The following GPAT3 variants were observed in gnomAD, a reference collection of about 807,000 sequenced individuals.
GPAT3 encodes the protein 1-AGP acyltransferase 9.
GPAT3 carries 53 observed loss-of-function variants against 58.8 expected under a neutral mutation model. The ratio of observed to expected loss-of-function variants is 0.90; its 90% confidence interval spans 0.72 to 1.13. GPAT3 has a LOEUF of 1.13. Ranked by LOEUF, GPAT3 falls within the 50% of genes most tolerant of loss-of-function variation. The probability of loss-of-function intolerance (pLI) is 0.00; values close to 1 mark genes in which losing one functional copy is unlikely to be tolerated. For missense variants in GPAT3, 511 were observed against 527.6 expected (o/e 0.97, Z 0.31); for synonymous variants, 197 against 187.4 (o/e 1.05, Z -0.42).
intron 1 of GPAT3, among the ~76,000 whole-genome samples, chr4:83,540,936 C>T (rs894343812): frequency 6.6e-6 from 1 of 152,000 alleles, no homozygotes; most frequent in East Asian, 1.9e-4. Context: ...GCGATCTGCC[C>T]GCCTTGGCTT....
rs764627532 is a variant in GPAT3, at chr4:83,571,723, CAT to C, written c.209-9827_209-9826del. On this transcript the variant is annotated intron_variant, in intron 2 of 11. Coordinates refer to ENST00000264409, the MANE Select transcript of GPAT3 (RefSeq NM_032717.5). The stretch of plus-strand genomic sequence containing the variant: ...ACACACACACATATATATACACACA[CAT>C]ATATATATATACACGCATATATATA... Among the ~76,000 whole-genome samples, 293 of 100,864 alleles carry C rather than the reference CAT, an allele frequency of 2.9e-3. 2 individuals carry two copies. Among genetic ancestry groups the C allele is most frequent in the African/African-American group, 6.8e-3 (249 of 36,504 alleles). 66.2% of individuals were successfully genotyped at this position (100,864 alleles called of 152,430 possible). A position where few individuals can be genotyped will look rare whatever the true frequency, so the allele number is the denominator to read the frequency against.
intron 10 of GPAT3, 126 bp from the exon 11 acceptor site, chr4:83,598,518 A>T: frequency 1.1e-6 from 1 of 879,052 alleles, no homozygotes; most frequent in South Asian, 1.5e-5. Context: ...ATGATTGATT[A>T]AGAATAGAAA....
chr4:83,535,829 T>C (rs974264032), upstream of GPAT3: 2 of 985,344 alleles, frequency 2.0e-6, no homozygotes, highest in Non-Finnish European at 2.4e-6. Flanking sequence ...CAAGAGTTCG[T>C]TTTACACCCA....
intron 3 of GPAT3, among the ~76,000 whole-genome samples, chr4:83,585,132 T>G (rs1212259823): frequency 6.6e-6 from 1 of 152,124 alleles, no homozygotes; most frequent in Non-Finnish European, 1.5e-5. Flanking sequence ...AATTTAGTTA[T>G]TGCATCAGTA....
rs568301777 is a variant in GPAT3 at position 83,592,222 on chromosome 4, G to A, written c.738+1930G>A. The stretch of plus-strand genomic sequence containing the variant: ...TTTGTTGGCATTTTCTTTACTTTTA[G>A]ATCATGTATAACCGCAATTACAATA... On this transcript the variant is annotated intron_variant, in intron 6 of 11. Coordinates refer to ENST00000264409, the MANE Select transcript of GPAT3 (RefSeq NM_032717.5). Among the ~76,000 whole-genome samples, 20 of 152,212 alleles carry A rather than the reference G, an allele frequency of 1.3e-4. 1 individual carries two copies. The South Asian group carries it at 4.1e-3, about 32-fold the overall frequency.
intron 2 of GPAT3, among the ~76,000 whole-genome samples, chr4:83,574,237 C>T (rs538613590): frequency 6.6e-6 from 1 of 152,274 alleles, no homozygotes; most frequent in Non-Finnish European, 1.5e-5. Flanking sequence ...CTTTGGTCTG[C>T]AGTAGACCCT....
intron 2 of GPAT3, among the ~76,000 whole-genome samples, chr4:83,578,392 C>T (rs964389221): frequency 3.3e-5 from 5 of 152,058 alleles, no homozygotes; most frequent in Admixed American, 3.3e-4. Context: ...TTAAGTTACA[C>T]AGAATAAACT....
At chr4:83,571,963 G>C (rs1313716517) in intron 2 of GPAT3, among the ~76,000 whole-genome samples, 2 of 151,942 alleles carry the variant, frequency 1.3e-5, no homozygotes, top group African/African-American at 4.8e-5. Context: ...GTAGAGACGG[G>C]GGTTTCACTA....
At chr4:83,603,576 G>T (rs188694446) in intron 11 of GPAT3, among the ~76,000 whole-genome samples, 1 of 152,166 alleles carries the variant, frequency 6.6e-6, no homozygotes, top group Admixed American at 6.5e-5. Context: ...AGATCACCTG[G>T]GGTTGGGAGT....
At position 83,598,163 on chromosome 4, in the gene GPAT3, C is replaced by G. The variant is rs772639676; in HGVS notation, c.1109C>G (p.Pro370Arg). The G allele has an allele frequency of 1.6e-5, 25 of 1,612,514 alleles. No individual in the cohort carries two copies. The highest frequency in any genetic ancestry group is 1.9e-5 in the Non-Finnish European group (23 of 1,179,522). Residue 370 changes from proline to arginine, a missense_variant, in exon 10 of 12, where the codon CCC becomes CGC. Pro to Arg is a moderately radical substitution (Grantham distance 103, BLOSUM62 -2). Transcript: ENST00000264409. ...ATCGTCTGTGACGTGTGGTACATGC[C>G]CCCCATGACCAGAGAGGTATTCCTT... is the stretch of plus-strand genomic sequence containing the variant. ...WAIVCDVWYM[P>R]PMTREEGEDA...
intron 2 of GPAT3, among the ~76,000 whole-genome samples, chr4:83,577,988 A>G (rs1725882945): frequency 6.6e-6 from 1 of 151,428 alleles, no homozygotes; most frequent in Non-Finnish European, 1.5e-5. Context: ...TTTAGTAGAG[A>G]CGGGGTTTCA....
At chr4:83,581,328 C>T (rs186708350) in intron 2 of GPAT3, among the ~76,000 whole-genome samples, 1 of 152,030 alleles carries the variant, frequency 6.6e-6, no homozygotes, top group East Asian at 1.9e-4. Context: ...GGACCAAAAA[C>T]CCCTCTTTAT....
chr4:83,584,748 C>T (rs184412483), intron 3 of GPAT3, among the ~76,000 whole-genome samples: 10 of 152,274 alleles, frequency 6.6e-5, no homozygotes, highest in East Asian at 5.8e-4. Flanking sequence ...TGAAGTGATC[C>T]GCCTGCCTTG....
intron 2 of GPAT3, among the ~76,000 whole-genome samples, chr4:83,573,748 G>A (rs1023041757): frequency 3.3e-5 from 5 of 152,152 alleles, no homozygotes; most frequent in African/African-American, 1.2e-4. Context: ...CCAATAATTG[G>A]TGCTGGAACA....
chr4:83,554,801 CTTT>C (rs34785812), intron 2 of GPAT3, among the ~76,000 whole-genome samples: 17,408 of 129,636 alleles, frequency 0.13, 1,161 homozygotes, highest in East Asian at 0.31. Context: ...GAAGCTCCCT[CTTT>C]TTTTTTTTTT....
chr4:83,596,373 C>T (rs1167166080), intron 7 of GPAT3, among the ~76,000 whole-genome samples: 1 of 152,142 alleles, frequency 6.6e-6, no homozygotes, highest in Non-Finnish European at 1.5e-5. Flanking sequence ...GTAATCCCAG[C>T]ACTTGGGGAG....
chr4:83,580,303 A>G (rs1194834566), intron 2 of GPAT3, among the ~76,000 whole-genome samples: 3 of 152,038 alleles, frequency 2.0e-5, no homozygotes, highest in Non-Finnish European at 2.9e-5. Context: ...TCATTTTTAC[A>G]TTTTTTCTAT....
chr4:83,578,254 G>A (rs1355409400), intron 2 of GPAT3, among the ~76,000 whole-genome samples: 1 of 151,958 alleles, frequency 6.6e-6, no homozygotes, highest in Non-Finnish European at 1.5e-5. Context: ...TTAATTTTTT[G>A]TATGTCTTAA....
chr4:83,591,504 G>A (rs1303294311), intron 6 of GPAT3, among the ~76,000 whole-genome samples: 1 of 152,078 alleles, frequency 6.6e-6, no homozygotes, highest in Non-Finnish European at 1.5e-5. Flanking sequence ...CTTAGGTTAG[G>A]AATTAGTTGA....
Sources: allele counts gnomAD v4.1 joint callset (sites outside exome capture counted in the v4.1 genomes callset), GRCh38; gene constraint gnomAD v4.1.1; transcripts MANE v1.5; gene names NCBI Gene and HGNC (gene_info 2026-07-23, HGNC 2026-07-21).